Variants in DVL1 observed in about 807,000 individuals in gnomAD.
DVL1 encodes the protein dishevelled segment polarity protein 1.
A neutral mutation model predicts 65.0 loss-of-function variants in DVL1; 49 were observed. The ratio of observed to expected loss-of-function variants is 0.75; its 90% CI spans 0.60 to 0.96. DVL1 has a LOEUF of 0.96. DVL1 is among the 40% of genes least tolerant of loss of function. DVL1 has a pLI of 0.00. For synonymous variants in DVL1, 608 were observed against 433.9 expected, an observed-to-expected ratio of 1.40 and a Z score of -4.99; for missense variants, 1,197 against 1,045.4, an observed-to-expected ratio of 1.15 and a Z score of -2.00.
chr1:1,343,234 C>T (rs1355663457), intron 1 of DVL1, among the ~76,000 whole-genome samples: 2 of 148,726 alleles, frequency 1.3e-5, no homozygotes, highest in Non-Finnish European at 3.0e-5. Context: ...CCACCCCCAC[C>T]TCATCTGTTC....
intron 4 of DVL1, 66 bp downstream of exon 4, chr1:1,341,987 G>T (rs956058086): frequency 6.8e-7 from 1 of 1,480,354 alleles, no homozygotes; most frequent in South Asian, 1.3e-5. Flanking sequence ...GCTGTAGTAG[G>T]AACATGGCTC....
rs1470197008 is a variant in DVL1 at position 1,336,346 on chromosome 1, G to A, written c.1884C>T (p.Ser628=). The change falls in exon 15 of 15, where the codon AGC becomes AGT. Residue 628 remains serine (S), a synonymous_variant. Coordinates refer to ENST00000378888, the MANE Select transcript of DVL1 (RefSeq NM_001330311.2). ...ERPAGQLSRG[S]SPRSQASATA... ...TAGCCGAGGCCTGACTGCGTGGGCT[G>A]CTGCCACGGCTGAGCTGGCCGGCCG... 1 of 1,592,982 alleles carries A rather than the reference G, an allele frequency of 6.3e-7. No individual in the cohort carries two copies.
intron 5 of DVL1, among the ~76,000 whole-genome samples, chr1:1,340,841 G>A (rs910021503): frequency 1.5e-4 from 18 of 117,072 alleles, no homozygotes; most frequent in Admixed American, 2.7e-4. Context: ...CTGCACACAC[G>A]CAACCCTGCA....
intron 14 of DVL1, 124 bp downstream of exon 14, chr1:1,337,853 G>C (rs1295712267): frequency 2.6e-6 from 2 of 783,468 alleles, no homozygotes; most frequent in African/African-American, 1.7e-5. Context: ...AGCAGCAGCG[G>C]GGTGGGGTGG....
chr1:1,336,907 C>T (rs1363812028), intron 14 of DVL1: 22 of 812,844 alleles, frequency 2.7e-5, no homozygotes, highest in East Asian at 1.1e-4. Context: ...GGACCCTGGC[C>T]GACGGATGAC....
At chr1:1,342,792 G>T (rs368967258) in intron 1 of DVL1, 34 bp from the exon 2 acceptor site, 78 of 1,607,132 alleles carry the variant, frequency 4.9e-5, no homozygotes, top group Admixed American at 2.2e-4. Context: ...GCCCCACCTG[G>T]GGGGCCCAAC....
At position 1,348,938 on chromosome 1, in the gene DVL1, T is replaced by A. The variant is rs768792437; in HGVS notation, c.128A>T (p.His43Leu). 6 of 1,573,472 alleles carry A rather than the reference T, an allele frequency of 3.8e-6. No individual in the cohort carries two copies. Among genetic ancestry groups the A allele is most frequent in the Non-Finnish European group, 5.2e-6 (6 of 1,156,460 alleles). ...FKNVLSNRPV[H>L]AYKFFFKSMD... is the part of the protein sequence containing the mutation. ...GGACTTAAAGAAGAATTTGTAGGCGTGCACGGGCCGGTTGCTGAGCACGTT... is the reference window on the plus strand; with the variant it reads ...GGACTTAAAGAAGAATTTGTAGGCGAGCACGGGCCGGTTGCTGAGCACGTT... The change falls in exon 1 of 15, where the codon CAC (histidine) becomes CTC (leucine). Residue 43 changes from histidine (H) to leucine (L), a missense_variant. Coordinates refer to ENST00000378888, the MANE Select transcript of DVL1 (RefSeq NM_001330311.2).
intron 1 of DVL1, among the ~76,000 whole-genome samples, chr1:1,346,947 C>A (rs754034057): frequency 1.3e-5 from 2 of 152,234 alleles, no homozygotes; most frequent in Non-Finnish European, 2.9e-5. Flanking sequence ...CCAGCCCCTC[C>A]CACGGGGGTT....
At chr1:1,337,831 G>A (rs761241500) in intron 14 of DVL1, 146 bp downstream of exon 14, 22 of 746,244 alleles carry the variant, frequency 2.9e-5, no homozygotes, top group East Asian at 5.4e-5. Flanking sequence ...GGTCAGCAGA[G>A]AAGCAGGGCG....
At position 1,335,388 on chromosome 1, in the gene DVL1, G is replaced by A. The variant is rs1643536241; in HGVS notation, c.*754C>T. ...ACTTTGATACAGTATCTACAGCACA[G>A]ACACGTGGGGGCCAGAGAAGCCAGG... is the stretch of plus-strand genomic sequence containing the variant. On this transcript the variant is annotated 3_prime_UTR_variant, in exon 15 of 15. Transcript: ENST00000378888. The A allele has an allele frequency of 6.6e-6, 1 of 152,410 alleles. No individual in the cohort carries two copies. Among genetic ancestry groups the A allele is most frequent in the African/African-American group, 2.4e-5 (1 of 41,464 alleles). 9.4% of individuals were successfully genotyped at this position (152,410 alleles called of 1,614,324 possible).
chr1:1,341,555 C>T, intron 5 of DVL1, 112 bp downstream of exon 5: 1 of 1,350,510 alleles, frequency 7.4e-7, no homozygotes, highest in Non-Finnish European at 1.0e-6. Context: ...CACATGCACA[C>T]ACACGCACAC....
rs544665367 is a variant in DVL1 at position 1,338,788 on chromosome 1, C to T, written c.1208-135G>A. The T allele has an allele frequency of 5.7e-5, 79 of 1,374,080 alleles. No homozygotes were observed. The African/African-American group carries it at 1.0e-3, about 18-fold the overall frequency. The allele number at this position is 1,374,080 out of a possible 1,614,324, so 85.1% of individuals were successfully genotyped here. On this transcript the variant is annotated intron_variant, in intron 11 of 14. Transcript: ENST00000378888. ...TGGACGGTGCGTGACAGCAGGGCCC[C>T]GGCCCACTGCAGGATGCACCCCCGT...
chr1:1,336,978 G>A (rs1013655377), intron 14 of DVL1: 9 of 990,784 alleles, frequency 9.1e-6, no homozygotes, highest in Non-Finnish European at 1.1e-5. Flanking sequence ...GTGGCTGGCT[G>A]GGGACATGCT....
chr1:1,345,718 G>T (rs925102952), intron 1 of DVL1, among the ~76,000 whole-genome samples: 2 of 152,190 alleles, frequency 1.3e-5, no homozygotes, highest in African/African-American at 4.8e-5. Flanking sequence ...AGAGGCCACA[G>T]CCAGCTGCCC....
intron 14 of DVL1, 157 bp from the exon 15 acceptor site, chr1:1,336,672 C>T: frequency 1.5e-5 from 10 of 679,606 alleles, no homozygotes; most frequent in Non-Finnish European, 1.8e-5. Flanking sequence ...GCCGGCACCC[C>T]CAGGGTCGCA....
chr1:1,337,926 G>A (rs1569681439), intron 14 of DVL1, 51 bp downstream of exon 14: 3 of 1,465,372 alleles, frequency 2.0e-6, no homozygotes, highest in South Asian at 1.2e-5. Flanking sequence ...GTGGAGTGGG[G>A]CGGAGCTGGG....
In DVL1 at chr1:1,340,409, C is replaced by T; in HGVS notation, c.699+1G>A. ...CCGCCCTGCTCCACCCGGCTGCCTA[C>T]CCGGTCCGCCTGCCGAAGGCGCTGC... On this transcript the variant is annotated splice_donor_variant, in intron 6 of 14. Coordinates refer to ENST00000378888, the MANE Select transcript of DVL1 (RefSeq NM_001330311.2). LOFTEE classifies it high-confidence loss of function. 1 of 1,610,042 alleles carries T rather than the reference C, an allele frequency of 6.2e-7. No homozygotes were observed. The highest frequency in any genetic ancestry group is 1.3e-5 in the African/African-American group (1 of 75,032).
At position 1,342,123 on chromosome 1, in the gene DVL1, G is replaced by A. The variant is rs772290424; in HGVS notation, c.396C>T (p.Asp132=). Residue 132 remains aspartate, a synonymous_variant, in exon 4 of 15, where the codon GAC becomes GAT. Coordinates refer to ENST00000378888, the MANE Select transcript of DVL1 (RefSeq NM_001330311.2). ...PNVASSRDGM[D]NETGTESMVS... ...CCATGGACTCCGTGCCTGTCTCGTTGTCCATCCCGTCACGGCTGCTGGCCA... is the reference window on the plus strand; with the variant it reads ...CCATGGACTCCGTGCCTGTCTCGTTATCCATCCCGTCACGGCTGCTGGCCA... 5.7e-6 allele frequency: 9 copies of A among 1,588,354 alleles called. No homozygotes were observed. The Admixed American group carries it at 1.4e-4, about 25-fold the overall frequency.
intron 14 of DVL1, 39 bp downstream of exon 14, chr1:1,337,938 G>A (rs1643636742): frequency 6.5e-6 from 10 of 1,547,572 alleles, no homozygotes; most frequent in Non-Finnish European, 8.9e-6. Context: ...GGAGCTGGGG[G>A]CGGAGCCGGG....
Sources: gnomAD v4.1 joint callset for allele counts (sites outside exome capture counted in the v4.1 genomes callset) on GRCh38, gnomAD v4.1.1 for gene constraint, MANE v1.5 for transcripts, NCBI Gene and HGNC (gene_info 2026-07-23, HGNC 2026-07-21) for gene names.